STIM2: variants seen among roughly 807,000 people sequenced by gnomAD.
The protein encoded by STIM2 is stromal interaction molecule 2.
Under a neutral mutation model 85.8 loss-of-function variants are expected in STIM2, and 31 were observed. The ratio of observed to expected loss-of-function variants is 0.36; its 90% confidence interval spans 0.27 to 0.49. The LOEUF (loss-of-function observed/expected upper bound fraction) is 0.49. Ranked by LOEUF, STIM2 falls within the 20% of genes least tolerant of loss-of-function variation. The pLI, the probability that STIM2 is intolerant of heterozygous loss-of-function variation, is 0.98. For missense variants in STIM2, 841 were observed against 927.6 expected (o/e 0.91, Z 1.21); for synonymous variants, 356 against 331.1 (o/e 1.08, Z -0.82).
chr4:27,017,644 G>T (rs2109144957), intron 10 of STIM2, 67 bp from the exon 11 acceptor site: 1 of 1,575,782 alleles, frequency 6.3e-7, no homozygotes, highest in Middle Eastern at 1.7e-4. Flanking sequence ...TTGTGTGTAT[G>T]TATTTGTGGT....
chr4:26,885,865 ATATATATATG>A (rs1468445563), intron 1 of STIM2, among the ~76,000 whole-genome samples: 104 of 120,626 alleles, frequency 8.6e-4, no homozygotes, highest in African/African-American at 3.3e-3. Flanking sequence ...ATATATATAT[ATATATATATG>A]TATATGTCTA....
chr4:26,948,011 A>C (rs529927338), intron 2 of STIM2, among the ~76,000 whole-genome samples: 11 of 152,372 alleles, frequency 7.2e-5, no homozygotes, highest in Non-Finnish European at 1.3e-4. Context: ...ATTGCAGGTG[A>C]AAATTCCATT....
chr4:26,931,563 G>C (rs1255133547), intron 2 of STIM2, among the ~76,000 whole-genome samples: 1 of 152,136 alleles, frequency 6.6e-6, no homozygotes, highest in Non-Finnish European at 1.5e-5. Context: ...TTTAAAGCCT[G>C]ATTAAAAGTT....
rs1166033182 is a variant in STIM2, at chr4:26,885,838, T to TAC, written c.151+24470_151+24471insCA. Among the ~76,000 whole-genome samples, 29 of 31,210 alleles carry TAC rather than the reference T, an allele frequency of 9.3e-4. 1 individual carries two copies. The East Asian group carries it at 0.013, about 13-fold the overall frequency. 20.5% of individuals were successfully genotyped at this position (31,210 alleles called of 152,430 possible). On this transcript the variant is annotated intron_variant, in intron 1 of 11. Transcript: ENST00000467087. Reference sequence around the variant, plus strand: ...ACCTCAGGTTATATATATATATATATATATATATATATATATATATATATA... The same window carrying TAC: ...ACCTCAGGTTATATATATATATATATACATATATATATATATATATATATATA...
chr4:26,902,130 T>C (rs556527033), intron 1 of STIM2, among the ~76,000 whole-genome samples: 3 of 152,186 alleles, frequency 2.0e-5, no homozygotes, highest in Admixed American at 6.5e-5. Flanking sequence ...TGAAGAGATA[T>C]GGTAGCTGTA....
intron 1 of STIM2, among the ~76,000 whole-genome samples, chr4:26,885,871 A>ATATATATATATG (rs1560194736): frequency 8.5e-6 from 1 of 117,910 alleles, no homozygotes; most frequent in African/African-American, 3.4e-5. Flanking sequence ...ATATATATAT[A>ATATATATATATG]TATGTATATG....
intron 2 of STIM2, among the ~76,000 whole-genome samples, chr4:26,922,278 C>G (rs933510046): frequency 2.0e-5 from 3 of 151,864 alleles, no homozygotes; most frequent in Non-Finnish European, 4.4e-5. Flanking sequence ...AATTTATTCT[C>G]TAAACCAAAG....
chr4:27,012,944 A>G (rs1213525784), intron 10 of STIM2, among the ~76,000 whole-genome samples: 1 of 151,976 alleles, frequency 6.6e-6, no homozygotes, highest in East Asian at 1.9e-4. Flanking sequence ...GCTGAATTTT[A>G]ATCTGTTTAA....
intron 2 of STIM2, among the ~76,000 whole-genome samples, chr4:26,940,641 G>A (rs1725576970): frequency 6.6e-6 from 1 of 152,076 alleles, no homozygotes; most frequent in Non-Finnish European, 1.5e-5. Flanking sequence ...TCTGAGTTGA[G>A]TTTTATTATT....
chr4:26,929,392 C>A (rs1166229487), intron 2 of STIM2, among the ~76,000 whole-genome samples: 2 of 151,962 alleles, frequency 1.3e-5, no homozygotes, highest in Non-Finnish European at 2.9e-5. Flanking sequence ...GTTAAGGTGT[C>A]TTTTTGAAAG....
At chr4:26,960,741 A>C (rs1020688000) in intron 3 of STIM2, among the ~76,000 whole-genome samples, 1 of 152,174 alleles carries the variant, frequency 6.6e-6, no homozygotes, top group African/African-American at 2.4e-5. Flanking sequence ...TGTACAACTT[A>C]TTAGCCATGG....
chr4:26,884,814 A>G (rs1723153715), intron 1 of STIM2, among the ~76,000 whole-genome samples: 1 of 152,198 alleles, frequency 6.6e-6, no homozygotes, highest in African/African-American at 2.4e-5. Flanking sequence ...CTTATGGGGT[A>G]GATCCGTATC....
At chr4:26,867,876 C>T (rs1194604825) in intron 1 of STIM2, among the ~76,000 whole-genome samples, 1 of 152,232 alleles carries the variant, frequency 6.6e-6, no homozygotes, top group Admixed American at 6.5e-5. Flanking sequence ...TTCTCAGCCT[C>T]CTCTTCCTCT....
chr4:27,008,156 T>C (rs146197670), intron 8 of STIM2: 40 of 587,462 alleles, frequency 6.8e-5, no homozygotes, highest in Non-Finnish European at 6.7e-5. Flanking sequence ...CTGTTACTTT[T>C]AGTACAAGAT....
intron 3 of STIM2, among the ~76,000 whole-genome samples, chr4:26,977,014 G>A (rs928431227): frequency 4.6e-5 from 7 of 152,198 alleles, no homozygotes; most frequent in African/African-American, 1.7e-4. Flanking sequence ...AAAAAATAAA[G>A]CAGGGTAACA....
chr4:26,885,871 A>ATATATGTATG (rs1560194736), intron 1 of STIM2, among the ~76,000 whole-genome samples: 16 of 117,862 alleles, frequency 1.4e-4, no homozygotes, highest in South Asian at 2.7e-4. Context: ...ATATATATAT[A>ATATATGTATG]TATGTATATG....
intron 3 of STIM2, among the ~76,000 whole-genome samples, chr4:26,959,049 C>A (rs569880190): frequency 4.6e-5 from 7 of 152,280 alleles, no homozygotes; most frequent in African/African-American, 1.7e-4. Flanking sequence ...CAGCCTAATT[C>A]ATCTCCCTGT....
chr4:26,871,401 T>C (rs1722605918), intron 1 of STIM2, among the ~76,000 whole-genome samples: 1 of 152,172 alleles, frequency 6.6e-6, no homozygotes, highest in African/African-American at 2.4e-5. Flanking sequence ...TGTAGATCTT[T>C]ATTGTCCAAT....
At chr4:27,017,343 C>A (rs1728762735) in intron 10 of STIM2, among the ~76,000 whole-genome samples, 1 of 152,152 alleles carries the variant, frequency 6.6e-6, no homozygotes, top group South Asian at 2.1e-4. Context: ...CTACTTTATT[C>A]TGTTGTCCTT....
Sources: gnomAD v4.1 joint callset for allele counts (sites outside exome capture counted in the v4.1 genomes callset) on GRCh38, gnomAD v4.1.1 for gene constraint, MANE v1.5 for transcripts, NCBI Gene and HGNC (gene_info 2026-07-23, HGNC 2026-07-21) for gene names.